The following JHY variants were observed in gnomAD, a reference collection of about 807,000 sequenced individuals.
The protein encoded by JHY is jhy protein homolog.
Under a neutral mutation model 78.0 loss-of-function variants are expected in JHY, and 69 were observed. That is an observed-to-expected ratio of 0.88 (90% CI 0.73 to 1.08). The LOEUF (loss-of-function observed/expected upper bound fraction) is 1.08. Among genes scored for constraint, JHY ranks in the 50% least tolerant of loss-of-function variants. The pLI is 0.00. For synonymous variants in JHY, 368 were observed against 342.6 expected (o/e 1.07, Z -0.82); for missense variants, 944 against 927.8 (o/e 1.02, Z -0.23).
intron 8 of JHY, chr11:122,958,686 C>A (rs776940730): frequency 7.4e-5 from 71 of 964,160 alleles, no homozygotes; most frequent in Non-Finnish European, 8.8e-5. Flanking sequence ...TATTGTAATG[C>A]CTTTCAGAAC....
chr11:122,957,247 C>T, intron 7 of JHY, 116 bp from the exon 8 acceptor site: 1 of 1,184,648 alleles, frequency 8.4e-7, no homozygotes. Context: ...GATCCCATTG[C>T]TCCTGTACAG....
chr11:122,945,610 T>C (rs1250101574), intron 5 of JHY, among the ~76,000 whole-genome samples: 1 of 152,240 alleles, frequency 6.6e-6, no homozygotes, highest in Non-Finnish European at 1.5e-5. Flanking sequence ...CGTGGAAACC[T>C]AGGCAGGCTT....
intron 5 of JHY, among the ~76,000 whole-genome samples, chr11:122,940,313 G>C (rs1055008843): frequency 6.6e-6 from 1 of 151,964 alleles, no homozygotes; most frequent in African/African-American, 2.4e-5. Context: ...ACTCCAGCCT[G>C]GGCAACAGAG....
At chr11:122,958,504 C>T (rs1214610014) in intron 8 of JHY, among the ~76,000 whole-genome samples, 1 of 151,782 alleles carries the variant, frequency 6.6e-6, no homozygotes, top group Admixed American at 6.6e-5. Context: ...CATTCACCTA[C>T]ATGCACTGAG....
chr11:122,963,198 T>C lies in JHY; in HGVS notation c.*3753T>C, dbSNP rs1238678675. On this transcript the variant is annotated 3_prime_UTR_variant, in exon 9 of 9. Coordinates refer to ENST00000227349, the MANE Select transcript of JHY (RefSeq NM_024806.4). The stretch of plus-strand genomic sequence containing the variant: ...AACATTTCAAAAACTTCCCATACTG[T>C]TTTTCTGTTAGCTTAAGCGTTGTTA... Among the ~76,000 whole-genome samples, 1 of 152,156 alleles carries C rather than the reference T, an allele frequency of 6.6e-6. No individual in the cohort carries two copies. Among genetic ancestry groups the C allele is most frequent in the East Asian group, 1.9e-4 (1 of 5,196 alleles).
intron 8 of JHY, among the ~76,000 whole-genome samples, chr11:122,957,811 T>TCACACACACACACACACACA (rs113733119): frequency 8.7e-4 from 131 of 149,810 alleles, no homozygotes; most frequent in African/African-American, 3.1e-3. Flanking sequence ...ACACACACAG[T>TCACACACACACACACACACA]CACACACACA....
chr11:122,905,459 T>A (rs1862968218), intron 3 of JHY: 1 of 1,231,098 alleles, frequency 8.1e-7, no homozygotes, highest in Non-Finnish European at 1.0e-6. Flanking sequence ...CCAACTGGTA[T>A]TTTTTTTTAA....
In JHY at chr11:122,917,487, T is replaced by G. The variant is rs1213782071; in HGVS notation, c.865-7410T>G. Among the ~76,000 whole-genome samples the G allele has an allele frequency of 6.6e-6, 1 of 152,228 alleles. No homozygotes were observed. Among genetic ancestry groups the G allele is most frequent in the African/African-American group, 2.4e-5 (1 of 41,462 alleles). ...AGGAGCATCATCATCACCTGGGAACTTAACACAAGTGGAAATTCTTGGGCC... is the reference window on the plus strand; with the variant it reads ...AGGAGCATCATCATCACCTGGGAACGTAACACAAGTGGAAATTCTTGGGCC... On this transcript the variant is annotated intron_variant, in intron 3 of 8. Transcript: ENST00000227349. This position sits in a 1 kb window ranked among gnomAD's most constrained non-coding sequence, Gnocchi z 4.1.
chr11:122,905,466 T>C, intron 3 of JHY: 1 of 1,304,104 alleles, frequency 7.7e-7, no homozygotes, highest in Non-Finnish European at 9.7e-7. Flanking sequence ...GTATTTTTTT[T>C]TAACATATTC....
At chr11:122,933,104 A>G (rs1279147522) in intron 4 of JHY, among the ~76,000 whole-genome samples, 2 of 152,246 alleles carry the variant, frequency 1.3e-5, no homozygotes, top group African/African-American at 4.8e-5. Context: ...TAGAAATAGA[A>G]CACTGCTTAA....
intron 6 of JHY, among the ~76,000 whole-genome samples, chr11:122,951,601 C>T (rs1864084143): frequency 6.6e-6 from 1 of 152,188 alleles, no homozygotes; most frequent in Admixed American, 6.5e-5. Context: ...CAGTGGCCCC[C>T]ACAGCAGGGT....
chr11:122,914,316 A>G (rs887600005), intron 3 of JHY, among the ~76,000 whole-genome samples: 1 of 152,184 alleles, frequency 6.6e-6, no homozygotes, highest in Non-Finnish European at 1.5e-5. Context: ...GTTGTCTATA[A>G]GATTAAGCTT....
chr11:122,948,442 TTAATAATAATAA>T lies in JHY; in HGVS notation c.1929+1676_1929+1687del, dbSNP rs10527069. On this transcript the variant is annotated intron_variant, in intron 6 of 8. Coordinates refer to ENST00000227349, the MANE Select transcript of JHY (RefSeq NM_024806.4). ...TGGGCAACAAGAGTGAAACTTTGTC[TTAATAATAATAA>T]TAATAATAATAATAATAATAATAAT... Among the ~76,000 whole-genome samples the T allele has an allele frequency of 8.4e-3, 1,205 of 143,444 alleles. 17 individuals are homozygous for T. The highest frequency in any genetic ancestry group is 0.027 in the African/African-American group (1,026 of 38,366). 94.1% of individuals were successfully genotyped at this position (143,444 alleles called of 152,430 possible). A position where few individuals can be genotyped will look rare whatever the true frequency, so the allele number is the denominator to read the frequency against.
In JHY at chr11:122,904,537, C is replaced by T. The variant is rs376184643; in HGVS notation, c.864+93C>T. On this transcript the variant is annotated intron_variant, in intron 3 of 8. Transcript: ENST00000227349. Reference sequence around the variant, plus strand: ...CTAGATATCGCTTCCTTTAAGATGACGATGTCATAGCAGCCACCTAGCTGG... The same window carrying T: ...CTAGATATCGCTTCCTTTAAGATGATGATGTCATAGCAGCCACCTAGCTGG... 5.7e-6 allele frequency: 8 copies of T among 1,397,716 alleles called. No homozygotes were observed. In the African/African-American group the frequency reaches 8.7e-5, roughly 15 times the overall value. The allele number at this position is 1,397,716 out of a possible 1,614,324, so 86.6% of individuals were successfully genotyped here.
rs1863251439 is a variant in JHY, at chr11:122,917,262, A to C, written c.865-7635A>C. 6.6e-6 allele frequency among the ~76,000 whole-genome samples: 1 copy of C among 152,244 alleles called. No individual in the cohort carries two copies. The highest frequency in any genetic ancestry group is 1.5e-5 in the Non-Finnish European group (1 of 68,032). On this transcript the variant is annotated intron_variant, in intron 3 of 8. Coordinates refer to ENST00000227349, the MANE Select transcript of JHY (RefSeq NM_024806.4). The surrounding 1 kb of genome is among the most constrained non-coding windows in gnomAD (Gnocchi z 4.1). ...GCCGTAAGCATTTAGCTATGGCCTCAGGATATCTTCAAGACTAGAAAATGT... is the reference window on the plus strand; with the variant it reads ...GCCGTAAGCATTTAGCTATGGCCTCCGGATATCTTCAAGACTAGAAAATGT...
chr11:122,957,544 C>CAAA, intron 8 of JHY, 53 bp downstream of exon 8: 1 of 834,456 alleles, frequency 1.2e-6, no homozygotes, highest in South Asian at 1.7e-5. Flanking sequence ...TAAAAGGAAA[C>CAAA]TTTTATTATC....
intron 3 of JHY, among the ~76,000 whole-genome samples, chr11:122,915,827 G>A (rs1370354764): frequency 6.6e-6 from 1 of 152,104 alleles, no homozygotes; most frequent in African/African-American, 2.4e-5. Context: ...AAAAGAAGAA[G>A]TTAACAGGTG....
rs772764654 is a variant in JHY, at chr11:122,934,911, C to G, written c.1470C>G (p.Asp490Glu). 6.2e-7 allele frequency: 1 copy of G among 1,614,146 alleles called. No individual in the cohort carries two copies. Among genetic ancestry groups the G allele is most frequent in the African/African-American group, 1.3e-5 (1 of 75,038 alleles). Residue 490 changes from aspartate (D) to glutamate (E), a missense_variant, in exon 5 of 9, where the codon GAC becomes GAG. By Grantham distance (45) the Asp-to-Glu change is conservative. Transcript: ENST00000227349. ...FSYQQLHTLSDMDLNNLNELS... is the reference protein window; with the variant it reads ...FSYQQLHTLSEMDLNNLNELS... ...ATCAGCAGCTACACACCCTTTCTGA[C>G]ATGGATTTGAACAACCTTAATGAAC...
In JHY at chr11:122,883,366, G is replaced by C. The variant is rs1862426240; in HGVS notation, c.-90+394G>C. The stretch of plus-strand genomic sequence containing the variant: ...TCCGGCCTGTTTCAAACCAGGGTTC[G>C]TTCCTTTTTCTTTACGATTCATCTT... On this transcript the variant is annotated intron_variant, in intron 1 of 8. Coordinates refer to ENST00000227349, the MANE Select transcript of JHY (RefSeq NM_024806.4). This position sits in a 1 kb window ranked among gnomAD's most constrained non-coding sequence, Gnocchi z 4.4. 1.3e-5 allele frequency among the ~76,000 whole-genome samples: 2 copies of C among 152,166 alleles called. No individual in the cohort carries two copies. The highest frequency in any genetic ancestry group is 6.5e-5 in the Admixed American group (1 of 15,284).
Sources: gnomAD v4.1 joint callset for allele counts (sites outside exome capture counted in the v4.1 genomes callset) on GRCh38, gnomAD v4.1.1 for gene constraint, Gnocchi (gnomAD v3.1) non-coding constraint, MANE v1.5 for transcripts, NCBI Gene and HGNC (gene_info 2026-07-23, HGNC 2026-07-21) for gene names.